PAX5: variants seen among roughly 807,000 people sequenced by gnomAD.
PAX5 encodes the protein paired box protein Pax-5.
A neutral mutation model predicts 43.7 loss-of-function variants in PAX5; 9 were observed. The ratio of observed to expected loss-of-function variants is 0.21; its 90% CI spans 0.12 to 0.36. PAX5 has a LOEUF of 0.36. Ranked by LOEUF, PAX5 falls within the 10% of genes least tolerant of loss-of-function variation. PAX5 has a pLI of 1.00. For missense variants in PAX5, 383 were observed against 532.7 expected (o/e 0.72, Z 2.77); for synonymous variants, 228 against 214.3 (o/e 1.06, Z -0.56).
intron 5 of PAX5, among the ~76,000 whole-genome samples, chr9:36,970,278 G>GGGAGAGGGGATGGGGC (rs1458834635): frequency 6.6e-6 from 1 of 152,202 alleles, no homozygotes; most frequent in Non-Finnish European, 1.5e-5. Flanking sequence ...GGAGTGACCA[G>GGGAGAGGGGATGGGGC]GGAGAGGGGA....
intron 7 of PAX5, among the ~76,000 whole-genome samples, chr9:36,919,725 C>T (rs36113666): frequency 0.046 from 6,924 of 151,176 alleles, 209 homozygotes; most frequent in East Asian, 0.11. Flanking sequence ...CCTGTAATCC[C>T]AGCTACTCGG....
chr9:36,966,542 G>A lies in PAX5; in HGVS notation c.780+7C>T. 1.9e-6 allele frequency: 3 copies of A among 1,611,928 alleles called. No individual in the cohort carries two copies. The highest frequency in any genetic ancestry group is 2.5e-6 in the Non-Finnish European group (3 of 1,178,326). ...CAGGTGTGGTGGGCGTGCATCACGA[G>A]GCGTACCTGCTCGGGCTTGATGGGC... On this transcript the variant is annotated splice_region_variant and intron_variant, in intron 6 of 9. Coordinates refer to ENST00000358127, the MANE Select transcript of PAX5 (RefSeq NM_016734.3).
At position 36,837,223 on chromosome 9, in the gene PAX5, A is replaced by G. The variant is rs905056421; in HGVS notation, c.*3337T>C. 7 of 232,840 alleles carry G rather than the reference A, an allele frequency of 3.0e-5. No homozygotes were observed. The highest frequency in any genetic ancestry group is 5.9e-5 in the Non-Finnish European group (7 of 117,986). The allele number at this position is 232,840 out of a possible 1,614,324, so 14.4% of individuals were successfully genotyped here. On this transcript the variant is annotated 3_prime_UTR_variant, in exon 10 of 10. Coordinates refer to ENST00000358127, the MANE Select transcript of PAX5 (RefSeq NM_016734.3). ...GTTGCCGTGAGAGCCCCAAATGTCA[A>G]TTTCCCCGTCTATAAAGTAGGCATC...
chr9:36,837,337 G>A lies in PAX5; in HGVS notation c.*3223C>T, dbSNP rs925347906. On this transcript the variant is annotated 3_prime_UTR_variant, in exon 10 of 10. Coordinates refer to ENST00000358127, the MANE Select transcript of PAX5 (RefSeq NM_016734.3). ...GGCTAGCCTTAACTAAGGTGCCTTG[G>A]GAAAGGGATGTTGGGTTTGATATAT... 2 of 233,186 alleles carry A rather than the reference G, an allele frequency of 8.6e-6. No homozygotes were observed. The highest frequency in any genetic ancestry group is 8.5e-6 in the Non-Finnish European group (1 of 118,060). The allele number at this position is 233,186 out of a possible 1,614,324, so 14.4% of individuals were successfully genotyped here.
chr9:37,027,690 C>T (rs763952543), intron 1 of PAX5, among the ~76,000 whole-genome samples: 2 of 152,242 alleles, frequency 1.3e-5, no homozygotes, highest in Admixed American at 6.5e-5. Flanking sequence ...CTTTCAGGAC[C>T]CGCTGCGTGT....
intron 5 of PAX5, among the ~76,000 whole-genome samples, chr9:36,998,111 C>G (rs890921345): frequency 6.6e-6 from 1 of 152,204 alleles, no homozygotes; most frequent in Non-Finnish European, 1.5e-5. Context: ...TTCTGAAAGC[C>G]ATATGTTGCA....
chr9:36,924,194 A>G (rs973167498), intron 6 of PAX5, among the ~76,000 whole-genome samples: 5 of 152,214 alleles, frequency 3.3e-5, no homozygotes, highest in African/African-American at 1.2e-4. Flanking sequence ...CCAAGTCCAC[A>G]CCAACCATGT....
intron 6 of PAX5, among the ~76,000 whole-genome samples, chr9:36,926,675 T>C (rs370726952): frequency 1.3e-5 from 2 of 152,340 alleles, no homozygotes; most frequent in African/African-American, 4.8e-5. Context: ...CTAGATGGCA[T>C]CTTCTAGAGT....
At chr9:36,923,571 A>T in intron 6 of PAX5, 87 bp from the exon 7 acceptor site, 2 of 1,478,842 alleles carry the variant, frequency 1.4e-6, no homozygotes, top group South Asian at 2.5e-5. Flanking sequence ...CTCAGCCACC[A>T]AGCTGAGTTA....
intron 6 of PAX5, among the ~76,000 whole-genome samples, chr9:36,939,871 C>T (rs562279524): frequency 6.6e-6 from 1 of 151,792 alleles, no homozygotes; most frequent in Admixed American, 6.6e-5. Context: ...CGTGTGGGCG[C>T]AGCAGATTGG....
intron 5 of PAX5, among the ~76,000 whole-genome samples, chr9:36,995,515 G>T (rs1468304490): frequency 6.6e-6 from 1 of 152,238 alleles, no homozygotes; most frequent in Non-Finnish European, 1.5e-5. Flanking sequence ...GACTGATGGG[G>T]CTGGCTGTCA....
intron 7 of PAX5, among the ~76,000 whole-genome samples, chr9:36,910,818 G>A (rs1156686612): frequency 6.6e-6 from 1 of 152,130 alleles, no homozygotes; most frequent in African/African-American, 2.4e-5. Flanking sequence ...TCAGGCCGCC[G>A]GACCTCTATG....
rs1464211381 is a variant in PAX5 at position 37,034,223 on chromosome 9, G to C, written c.-192C>G. The stretch of plus-strand genomic sequence containing the variant: ...CACTGAGCTGAAACTAAACGTTTTA[G>C]GTGGAAAAAAAGCGTCCGAAGGCAC... On this transcript the variant is annotated 5_prime_UTR_variant, in exon 1 of 10. Coordinates refer to ENST00000358127, the MANE Select transcript of PAX5 (RefSeq NM_016734.3). 8.7e-6 allele frequency: 5 copies of C among 576,714 alleles called. No homozygotes were observed. Among genetic ancestry groups the C allele is most frequent in the Admixed American group, 6.2e-5 (2 of 32,270 alleles). The allele number at this position is 576,714 out of a possible 1,614,324, so 35.7% of individuals were successfully genotyped here.
chr9:36,918,895 T>C (rs547526008), intron 7 of PAX5, among the ~76,000 whole-genome samples: 1 of 152,328 alleles, frequency 6.6e-6, no homozygotes, highest in East Asian at 1.9e-4. Flanking sequence ...GAAGCTAAGA[T>C]CAAGCTAAGA....
At chr9:37,030,778 CCGTGGCTTCAGGATGTGGGGGCTGCTA>C (rs1252577374) in intron 1 of PAX5, among the ~76,000 whole-genome samples, 1 of 152,226 alleles carries the variant, frequency 6.6e-6, no homozygotes, top group Non-Finnish European at 1.5e-5. Flanking sequence ...CACTGCATTA[CCGTGGCTTCAGGATGTGGGGGCTGCTA>C]CAGTGTTCTA....
In PAX5 at chr9:36,882,059, G is replaced by C; in HGVS notation, c.957C>G (p.Val319=). 1 of 1,611,096 alleles carries C rather than the reference G, an allele frequency of 6.2e-7. No homozygotes were observed. Among genetic ancestry groups the C allele is most frequent in the Non-Finnish European group, 8.5e-7 (1 of 1,178,014 alleles). ...AGTAGCTGCCCTGTCCAGCGGGGGG[G>C]ACGTGTGGAGGGTACCCGGGGAGGG... ...STTLPGYPPH[V]PPAGQGSYSA... is the part of the protein sequence containing the mutation. Residue 319 remains valine (V), a synonymous_variant, in exon 8 of 10, where the codon GTC becomes GTG. Transcript: ENST00000358127. This position sits in a 1 kb window ranked among gnomAD's most constrained non-coding sequence, Gnocchi z 4.4.
At chr9:37,001,500 C>G (rs1001253509) in intron 5 of PAX5, among the ~76,000 whole-genome samples, 23 of 152,234 alleles carry the variant, frequency 1.5e-4, no homozygotes, top group Admixed American at 9.8e-4. Flanking sequence ...GACATCTGCT[C>G]AGGAGCAGCA....
intron 8 of PAX5, among the ~76,000 whole-genome samples, chr9:36,862,007 C>G (rs903997002): frequency 6.6e-6 from 1 of 152,130 alleles, no homozygotes; most frequent in Non-Finnish European, 1.5e-5. Flanking sequence ...TGGGAAGGGC[C>G]AGGCCATGTG....
chr9:36,991,523 G>A (rs188720093), intron 5 of PAX5, among the ~76,000 whole-genome samples: 1 of 152,334 alleles, frequency 6.6e-6, no homozygotes, highest in Admixed American at 6.5e-5. Context: ...GACCATGGAG[G>A]TGAGAAAGGA....
Sources: allele counts gnomAD v4.1 joint callset (sites outside exome capture counted in the v4.1 genomes callset), GRCh38; gene constraint gnomAD v4.1.1; non-coding constraint Gnocchi (gnomAD v3.1); transcripts MANE v1.5; gene names NCBI Gene and HGNC (gene_info 2026-07-23, HGNC 2026-07-21).